The following GNG4 variants were observed in gnomAD, a reference collection of about 807,000 sequenced individuals.
GNG4 encodes the protein guanine nucleotide-binding protein G(I)/G(S)/G(O) subunit gamma-4.
Under a neutral mutation model 5.8 loss-of-function variants are expected in GNG4, and 4 were observed. The ratio of observed to expected loss-of-function variants is 0.69; its 90% CI spans 0.34 to 1.57. GNG4 has a LOEUF of 1.57. GNG4 is among the 40% of genes most tolerant of loss of function. The probability of loss-of-function intolerance (pLI) is 0.06; values close to 1 mark genes in which losing one functional copy is unlikely to be tolerated. For synonymous variants in GNG4, 29 were observed against 32.9 expected, an observed-to-expected ratio of 0.88 and a Z score of 0.41; for missense variants, 96 against 95.1, an observed-to-expected ratio of 1.01 and a Z score of -0.04.
intron 3 of GNG4, among the ~76,000 whole-genome samples, chr1:235,555,139 A>C (rs1255620308): frequency 6.6e-6 from 1 of 152,200 alleles, no homozygotes; most frequent in Non-Finnish European, 1.5e-5. Context: ...GAAATGTCAC[A>C]AAAGAACACT....
At position 235,648,193 on chromosome 1, in the gene GNG4, G is replaced by A. The variant is rs1479060158; in HGVS notation, c.-123+1469C>T. 3.9e-5 allele frequency among the ~76,000 whole-genome samples: 6 copies of A among 152,092 alleles called. No homozygotes were observed. In the South Asian group the frequency reaches 8.3e-4, roughly 21 times the overall value. ...AGCACTGGAGTTGTGCATGGAGGTG[G>A]GGGCCAACAGGAAGTCCATTGTCCT... On this transcript the variant is annotated intron_variant, in intron 1 of 3. Coordinates refer to ENST00000391854, the MANE Select transcript of GNG4 (RefSeq NM_001098722.2). The surrounding 1 kb of genome is among the most constrained non-coding windows in gnomAD (Gnocchi z 5.0).
At chr1:235,609,969 A>C (rs535435296) in intron 1 of GNG4, among the ~76,000 whole-genome samples, 1 of 152,320 alleles carries the variant, frequency 6.6e-6, no homozygotes, top group African/African-American at 2.4e-5. Flanking sequence ...TATTTCCTAC[A>C]CAGAAAGACA....
chr1:235,617,501 G>A lies in GNG4; in HGVS notation c.-122-21990C>T, dbSNP rs537622903. On this transcript the variant is annotated intron_variant, in intron 1 of 3. Transcript: ENST00000391854. Reference sequence around the variant, plus strand: ...TAGCTTCCTGGACCTCCTCTTTCAGGTCAACACTGACAGAATGGAAGGTCA... The same window carrying A: ...TAGCTTCCTGGACCTCCTCTTTCAGATCAACACTGACAGAATGGAAGGTCA... 2.6e-5 allele frequency among the ~76,000 whole-genome samples: 4 copies of A among 152,284 alleles called. No individual in the cohort carries two copies. In the South Asian group the frequency reaches 8.3e-4, roughly 32 times the overall value.
intron 1 of GNG4, among the ~76,000 whole-genome samples, chr1:235,625,238 T>G (rs925465064): frequency 4.6e-5 from 7 of 152,214 alleles, no homozygotes; most frequent in South Asian, 2.1e-4. Context: ...TTTCCTAGCC[T>G]TCTTCTGCAA....
chr1:235,635,272 G>A (rs966231474), intron 1 of GNG4, among the ~76,000 whole-genome samples: 18 of 152,066 alleles, frequency 1.2e-4, no homozygotes, highest in African/African-American at 4.1e-4. Flanking sequence ...TGAGACGGGT[G>A]GATCACCTGA....
At chr1:235,571,237 T>C (rs1238252188) in intron 3 of GNG4, among the ~76,000 whole-genome samples, 1 of 152,184 alleles carries the variant, frequency 6.6e-6, no homozygotes, top group Non-Finnish European at 1.5e-5. Flanking sequence ...TAACGAGGCG[T>C]CAGCAATCAA....
rs1171976241 is a variant in GNG4, at chr1:235,648,795, C to A, written c.-123+867G>T. Among the ~76,000 whole-genome samples, 1 of 152,330 alleles carries A rather than the reference C, an allele frequency of 6.6e-6. No homozygotes were observed. Among genetic ancestry groups the A allele is most frequent in the African/African-American group, 2.4e-5 (1 of 41,598 alleles). On this transcript the variant is annotated intron_variant, in intron 1 of 3. Coordinates refer to ENST00000391854, the MANE Select transcript of GNG4 (RefSeq NM_001098722.2). This position sits in a 1 kb window ranked among gnomAD's most constrained non-coding sequence, Gnocchi z 5.0. ...GGGTAGAGGAGAGACGCGGCAGCCG[C>A]GGGGCCGGGGAGACGGTGGGAGGCC... is the stretch of plus-strand genomic sequence containing the variant.
chr1:235,587,919 A>AGTGTAGAGTGTAC (rs71174444), intron 2 of GNG4, among the ~76,000 whole-genome samples: 1 of 149,896 alleles, frequency 6.7e-6, no homozygotes, highest in African/African-American at 2.5e-5. Flanking sequence ...TGTGGGTATA[A>AGTGTAGAGTGTAC]GTGTGAGTCC....
At chr1:235,613,007 C>T (rs1249754964) in intron 1 of GNG4, among the ~76,000 whole-genome samples, 2 of 151,910 alleles carry the variant, frequency 1.3e-5, no homozygotes, top group African/African-American at 4.8e-5. Flanking sequence ...TTTATAAGGG[C>T]ACAAGTCCAA....
chr1:235,623,757 C>T (rs961502347), intron 1 of GNG4, among the ~76,000 whole-genome samples: 12 of 152,136 alleles, frequency 7.9e-5, no homozygotes, highest in African/African-American at 2.2e-4. Context: ...GGGGTGCCTC[C>T]GCCACAGCAG....
At chr1:235,564,427 AAAATT>A (rs753613119) in intron 3 of GNG4, among the ~76,000 whole-genome samples, 2 of 152,192 alleles carry the variant, frequency 1.3e-5, no homozygotes, top group Non-Finnish European at 2.9e-5. Context: ...CCTTGAAACT[AAAATT>A]AAAGTTGAAA....
intron 2 of GNG4, among the ~76,000 whole-genome samples, chr1:235,589,221 T>C: frequency 6.6e-6 from 1 of 152,214 alleles, no homozygotes; most frequent in East Asian, 1.9e-4. Flanking sequence ...CTGCTGACAC[T>C]GTACAGGCAT....
At chr1:235,647,617 G>A (rs1657546027) in intron 1 of GNG4, among the ~76,000 whole-genome samples, 1 of 152,114 alleles carries the variant, frequency 6.6e-6, no homozygotes, top group Non-Finnish European at 1.5e-5. Context: ...AGACAGCTGT[G>A]GCTCTTGCTT....
At chr1:235,570,446 G>C (rs1176346857) in intron 3 of GNG4, among the ~76,000 whole-genome samples, 2 of 134,914 alleles carry the variant, frequency 1.5e-5, no homozygotes, top group Admixed American at 1.7e-4. Flanking sequence ...ACTCAGGCTA[G>C]AGTGCAATGG....
intron 3 of GNG4, among the ~76,000 whole-genome samples, chr1:235,556,818 G>A (rs763201688): frequency 1.7e-4 from 26 of 151,902 alleles, no homozygotes; most frequent in Non-Finnish European, 3.4e-4. Flanking sequence ...TGGGAGGCCT[G>A]AGCTTGTTTT....
In GNG4 at chr1:235,642,855, G is replaced by A. The variant is rs1211566151; in HGVS notation, c.-123+6807C>T. Among the ~76,000 whole-genome samples, 2 of 151,994 alleles carry A rather than the reference G, an allele frequency of 1.3e-5. No homozygotes were observed. The highest frequency in any genetic ancestry group is 4.8e-5 in the African/African-American group (2 of 41,380). ...CAGCTCTGCACGTACATGCCCCCTC[G>A]ATGTCACCTCCTGACTTGGCAAGTC... On this transcript the variant is annotated intron_variant, in intron 1 of 3. Coordinates refer to ENST00000391854, the MANE Select transcript of GNG4 (RefSeq NM_001098722.2). This position sits in a 1 kb window ranked among gnomAD's most constrained non-coding sequence, Gnocchi z 4.3.
At chr1:235,600,100 C>CTTCTTTTTTTTTT (rs1688222727) in intron 1 of GNG4, among the ~76,000 whole-genome samples, 1 of 43,128 alleles carries the variant, frequency 2.3e-5, no homozygotes, top group Non-Finnish European at 4.1e-5. Flanking sequence ...CGGAAGAAAG[C>CTTCTTTTTTTTTT]TTTTTTTTTT....
chr1:235,569,836 G>A (rs1396031249), intron 3 of GNG4, among the ~76,000 whole-genome samples: 4 of 152,074 alleles, frequency 2.6e-5, no homozygotes, highest in Non-Finnish European at 4.4e-5. Flanking sequence ...AAAGTGCTGG[G>A]ATAACAGGTG....
At chr1:235,552,317 A>C (rs452950) in intron 3 of GNG4, 80 bp from the exon 4 acceptor site, 687,953 of 1,304,442 alleles carry the variant, frequency 0.53, 185,558 homozygotes, top group East Asian at 0.83. Flanking sequence ...CCACGTACAG[A>C]GGGGACAAGC....
Sources: allele counts gnomAD v4.1 joint callset (sites outside exome capture counted in the v4.1 genomes callset), GRCh38; gene constraint gnomAD v4.1.1; non-coding constraint Gnocchi (gnomAD v3.1); transcripts MANE v1.5; gene names NCBI Gene and HGNC (gene_info 2026-07-23, HGNC 2026-07-21).